Variants in ANO10 observed in about 807,000 individuals in gnomAD.
ANO10 encodes anoctamin-10.
In ANO10, 77 loss-of-function variants were observed where a neutral mutation model predicts 74.7. The observed-to-expected ratio is 1.03, with a 90% CI of 0.86 to 1.25. ANO10 has a LOEUF of 1.25. Ranked by LOEUF, ANO10 falls within the 50% of genes most tolerant of loss-of-function variation. The probability of loss-of-function intolerance (pLI) is 0.00; values close to 1 mark genes in which losing one functional copy is unlikely to be tolerated. For missense variants in ANO10, 721 were observed against 778.1 expected (o/e 0.93, Z 0.87); for synonymous variants, 279 against 284.9 (o/e 0.98, Z 0.21).
intron 11 of ANO10, among the ~76,000 whole-genome samples, chr3:43,447,575 AAAG>A (rs1297180473): frequency 2.6e-5 from 4 of 152,366 alleles, no homozygotes; most frequent in South Asian, 2.1e-4. Context: ...AAAAGGGAAG[AAAG>A]AAGAAGAAAG....
intron 4 of ANO10, among the ~76,000 whole-genome samples, chr3:43,583,719 C>T (rs1020702698): frequency 3.3e-5 from 5 of 152,216 alleles, no homozygotes; most frequent in Non-Finnish European, 7.3e-5. Flanking sequence ...AGCCTTTGCA[C>T]GATGAAGACA....
intron 1 of ANO10, among the ~76,000 whole-genome samples, chr3:43,619,984 GATTT>G (rs1413785261): frequency 6.6e-6 from 1 of 151,618 alleles, no homozygotes; most frequent in African/African-American, 2.4e-5. Context: ...CATGACATGA[GATTT>G]ATTGTGAGCT....
At chr3:43,418,900 C>T (rs906955605) in intron 12 of ANO10, among the ~76,000 whole-genome samples, 1 of 152,238 alleles carries the variant, frequency 6.6e-6, no homozygotes, top group Non-Finnish European at 1.5e-5. Context: ...GGAACATAGC[C>T]ACGCTCTTTC....
At chr3:43,496,496 C>T (rs1366051376) in intron 11 of ANO10, among the ~76,000 whole-genome samples, 4 of 151,874 alleles carry the variant, frequency 2.6e-5, no homozygotes, top group Admixed American at 6.6e-5. Flanking sequence ...CACAGTGGCA[C>T]GATCTTGGCT....
intron 4 of ANO10, among the ~76,000 whole-genome samples, chr3:43,584,490 C>T (rs912122090): frequency 1.3e-5 from 2 of 152,130 alleles, no homozygotes; most frequent in African/African-American, 4.8e-5. Flanking sequence ...TGGGAGCCAC[C>T]GGACTAAGCA....
chr3:43,420,791 CTTAA>C (rs1239868869), intron 12 of ANO10, among the ~76,000 whole-genome samples: 1 of 152,190 alleles, frequency 6.6e-6, no homozygotes, highest in East Asian at 1.9e-4. Context: ...ATGATGTTCA[CTTAA>C]TTAATGACTA....
intron 11 of ANO10, among the ~76,000 whole-genome samples, chr3:43,497,383 G>A (rs902434754): frequency 6.6e-6 from 1 of 152,152 alleles, no homozygotes; most frequent in South Asian, 2.1e-4. Context: ...ACATAACCCT[G>A]TCTCCTTACA....
intron 8 of ANO10, among the ~76,000 whole-genome samples, chr3:43,563,544 T>C (rs1160322035): frequency 6.6e-6 from 1 of 151,442 alleles, no homozygotes; most frequent in Non-Finnish European, 1.5e-5. Flanking sequence ...AACGGACACC[T>C]GCACCCCCAT....
intron 11 of ANO10, among the ~76,000 whole-genome samples, chr3:43,448,151 A>C (rs151203972): frequency 1.2e-3 from 188 of 152,316 alleles, no homozygotes; most frequent in Non-Finnish European, 2.0e-3. Flanking sequence ...CCAGCATCTT[A>C]ATCTTGGACT....
intron 1 of ANO10, among the ~76,000 whole-genome samples, chr3:43,681,279 C>T (rs2084195102): frequency 6.6e-6 from 1 of 151,956 alleles, no homozygotes; most frequent in South Asian, 2.1e-4. Flanking sequence ...GGCTGCAATC[C>T]TAGTCTCTGA....
chr3:43,460,975 T>C (rs1338862882), intron 11 of ANO10, among the ~76,000 whole-genome samples: 1 of 143,042 alleles, frequency 7.0e-6, no homozygotes, highest in Non-Finnish European at 1.5e-5. Flanking sequence ...TTTCATATAA[T>C]AGAACTAAGA....
intron 12 of ANO10, among the ~76,000 whole-genome samples, chr3:43,432,104 A>T (rs2092991561): frequency 6.7e-6 from 1 of 150,096 alleles, no homozygotes; most frequent in African/African-American, 2.4e-5. Context: ...CAAAATGGTC[A>T]ACTCCAGCAT....
Position 43,378,896 on chromosome 3 carries a change from A to G in ANO10, c.1915-11922T>C, listed in dbSNP as rs1359890656. 2.0e-5 allele frequency among the ~76,000 whole-genome samples: 3 copies of G among 152,182 alleles called. No homozygotes were observed. In the East Asian group the frequency reaches 5.8e-4, roughly 29 times the overall value. On this transcript the variant is annotated intron_variant, in intron 12 of 12. Coordinates refer to ENST00000292246, the MANE Select transcript of ANO10 (RefSeq NM_018075.5). The stretch of plus-strand genomic sequence containing the variant: ...CACTTGACATCATTTTCCCTCAGAA[A>G]AGTTAATTTTTACTCATTCCCACCT...
chr3:43,398,008 C>G (rs1046491181), intron 12 of ANO10, among the ~76,000 whole-genome samples: 1 of 152,168 alleles, frequency 6.6e-6, no homozygotes, highest in Non-Finnish European at 1.5e-5. Flanking sequence ...CCTTCATTTA[C>G]TTTTGATCTT....
intron 11 of ANO10, among the ~76,000 whole-genome samples, chr3:43,466,546 G>C (rs1343181537): frequency 6.6e-6 from 1 of 152,088 alleles, no homozygotes; most frequent in Non-Finnish European, 1.5e-5. Flanking sequence ...AACGACTAGA[G>C]TAACAACTGG....
intron 11 of ANO10, among the ~76,000 whole-genome samples, chr3:43,549,094 T>C (rs2079331506): frequency 8.6e-6 from 1 of 116,642 alleles, no homozygotes; most frequent in Non-Finnish European, 1.7e-5. Flanking sequence ...GTATGGAATT[T>C]GATTTTGAAT....
At chr3:43,493,654 T>C (rs2076811897) in intron 11 of ANO10, among the ~76,000 whole-genome samples, 1 of 152,138 alleles carries the variant, frequency 6.6e-6, no homozygotes. Context: ...ACAATAGTTA[T>C]TCCCAATTAA....
chr3:43,547,572 T>G (rs1321798427), intron 11 of ANO10, among the ~76,000 whole-genome samples: 2 of 152,112 alleles, frequency 1.3e-5, no homozygotes, highest in African/African-American at 4.8e-5. Context: ...TTATACAATG[T>G]GAAGAGACAA....
chr3:43,663,492 G>A (rs147292648), intron 1 of ANO10, among the ~76,000 whole-genome samples: 3,215 of 152,264 alleles, frequency 0.021, 55 homozygotes, highest in South Asian at 0.092. Flanking sequence ...AGACAGGGAT[G>A]CCCTCTCTCA....
Sources: gnomAD v4.1 joint callset for allele counts (sites outside exome capture counted in the v4.1 genomes callset) on GRCh38, gnomAD v4.1.1 for gene constraint, MANE v1.5 for transcripts, NCBI Gene and HGNC (gene_info 2026-07-23, HGNC 2026-07-21) for gene names.